ARHGEF18: variants seen among roughly 807,000 people sequenced by gnomAD.
ARHGEF18 encodes rho guanine nucleotide exchange factor 18.
ARHGEF18 carries 93 observed loss-of-function variants against 155.7 expected under a neutral mutation model. The observed-to-expected ratio is 0.60, with a 90% CI of 0.50 to 0.71. The LOEUF (loss-of-function observed/expected upper bound fraction) is 0.71. Ranked by LOEUF, ARHGEF18 falls within the 30% of genes least tolerant of loss-of-function variation. ARHGEF18 has a pLI of 0.00. For synonymous variants in ARHGEF18, 742 were observed against 753.1 expected, an observed-to-expected ratio of 0.99 and a Z score of 0.24; for missense variants, 1,593 against 1,816.1, an observed-to-expected ratio of 0.88 and a Z score of 2.23.
intron 10 of ARHGEF18, among the ~76,000 whole-genome samples, chr19:7,416,138 C>G (rs1412007451): frequency 6.6e-6 from 1 of 152,162 alleles, no homozygotes; most frequent in Non-Finnish European, 1.5e-5. Context: ...AGGCTCATGC[C>G]TATAATCTCA....
chr19:7,384,080 C>T lies in ARHGEF18; in HGVS notation c.967+877C>T, dbSNP rs1003565658. On this transcript the variant is annotated intron_variant, in intron 10 of 28. Coordinates refer to ENST00000668164, the MANE Select transcript of ARHGEF18 (RefSeq NM_001367823.1). ...TGGCAACTGCGTGTTAGAAAAGATG[C>T]GTGCGCCGTTTGTAACCGAATCCAA... 5.9e-5 allele frequency among the ~76,000 whole-genome samples: 9 copies of T among 152,122 alleles called. No individual in the cohort carries two copies. The East Asian group carries it at 7.7e-4, about 13-fold the overall frequency.
At position 7,378,463 on chromosome 19, in the gene ARHGEF18, C is replaced by T; in HGVS notation, c.599+12C>T. On this transcript the variant is annotated intron_variant, in intron 6 of 28. Transcript: ENST00000668164. ...GAACCAGATCACGTGTGAGTTTCTGCCTCGTGGTGGGGGAGGGACCCCCAG... is the reference window on the plus strand; with the variant it reads ...GAACCAGATCACGTGTGAGTTTCTGTCTCGTGGTGGGGGAGGGACCCCCAG... 1 of 1,234,312 alleles carries T rather than the reference C, an allele frequency of 8.1e-7. No individual in the cohort carries two copies. The allele number at this position is 1,234,312 out of a possible 1,614,324, so 76.5% of individuals were successfully genotyped here. A position where few individuals can be genotyped will look rare whatever the true frequency, so the allele number is the denominator to read the frequency against.
chr19:7,382,579 A>G (rs1970800507), intron 8 of ARHGEF18, among the ~76,000 whole-genome samples: 1 of 152,106 alleles, frequency 6.6e-6, no homozygotes, highest in African/African-American at 2.4e-5. Flanking sequence ...CCAGTCCCCA[A>G]AGCTCTTGCA....
intron 17 of ARHGEF18, among the ~76,000 whole-genome samples, chr19:7,454,442 A>G (rs1444775791): frequency 6.7e-6 from 1 of 149,940 alleles, no homozygotes. Flanking sequence ...CTCTTGGATC[A>G]GTGGCCACCA....
chr19:7,456,137 C>T (rs1344563569), intron 17 of ARHGEF18, among the ~76,000 whole-genome samples, 190 bp from the exon 18 acceptor site: 1 of 152,124 alleles, frequency 6.6e-6, no homozygotes, highest in Non-Finnish European at 1.5e-5. Context: ...TCCGGCTGCT[C>T]GTTGGTGCTG....
chr19:7,446,971 A>C, intron 14 of ARHGEF18, 72 bp from the exon 15 acceptor site: 1 of 1,542,236 alleles, frequency 6.5e-7, no homozygotes. Flanking sequence ...TAGCAGACTC[A>C]GACGAATTAG....
At chr19:7,450,884 T>C (rs36155509) in intron 15 of ARHGEF18, among the ~76,000 whole-genome samples, 1 of 117,632 alleles carries the variant, frequency 8.5e-6, no homozygotes, top group Non-Finnish European at 1.7e-5. Flanking sequence ...GAGATGTTAA[T>C]GCGGGGTCTT....
intron 10 of ARHGEF18, among the ~76,000 whole-genome samples, chr19:7,394,639 C>T (rs1971582237): frequency 6.7e-6 from 1 of 149,194 alleles, no homozygotes; most frequent in African/African-American, 2.5e-5. Context: ...CCCTTGGGGT[C>T]CCCCAACCCC....
At chr19:7,464,841 T>G (rs1329925214) in intron 23 of ARHGEF18, 151 bp downstream of exon 23, 1 of 1,143,784 alleles carries the variant, frequency 8.7e-7, no homozygotes, top group Non-Finnish European at 1.2e-6. Flanking sequence ...TCAGCCCAGA[T>G]TAATGCACTG....
chr19:7,462,016 A>G lies in ARHGEF18; in HGVS notation c.2453-136A>G. 1.1e-6 allele frequency: 1 copy of G among 916,986 alleles called. No individual in the cohort carries two copies. The allele number at this position is 916,986 out of a possible 1,614,324, so 56.8% of individuals were successfully genotyped here. A position where few individuals can be genotyped will look rare whatever the true frequency, so the allele number is the denominator to read the frequency against. The stretch of plus-strand genomic sequence containing the variant: ...GCCATGCCCTCCCCTACCTCCCAGG[A>G]ATGCAGGACACAAGGGGGCAGCCTA... On this transcript the variant is annotated intron_variant, in intron 20 of 28. Transcript: ENST00000668164. The surrounding 1 kb of genome is among the most constrained non-coding windows in gnomAD (Gnocchi z 4.4).
chr19:7,350,937 G>A (rs1969142607), intron 1 of ARHGEF18, among the ~76,000 whole-genome samples: 1 of 152,050 alleles, frequency 6.6e-6, no homozygotes, highest in Admixed American at 6.6e-5. Context: ...CCAAGTAGCT[G>A]GGATTACAGG....
chr19:7,385,868 TCTC>T (rs1971007094), intron 10 of ARHGEF18, among the ~76,000 whole-genome samples: 1 of 45,322 alleles, frequency 2.2e-5, no homozygotes, highest in African/African-American at 1.2e-4. Flanking sequence ...TCTCTCTCTC[TCTC>T]CCCCCTCCCT....
intron 10 of ARHGEF18, among the ~76,000 whole-genome samples, chr19:7,407,293 G>A (rs1972375130): frequency 6.6e-6 from 1 of 151,860 alleles, no homozygotes; most frequent in African/African-American, 2.4e-5. Flanking sequence ...GGGTGTGGTG[G>A]CGGGCACCTG....
chr19:7,437,370 T>A (rs1974326128), intron 10 of ARHGEF18, among the ~76,000 whole-genome samples: 1 of 147,940 alleles, frequency 6.8e-6, no homozygotes, highest in African/African-American at 2.5e-5. Flanking sequence ...TGCGGTGAGC[T>A]GAGATCACGC....
intron 23 of ARHGEF18, 92 bp from the exon 24 acceptor site, chr19:7,466,826 A>AAAT: frequency 1.5e-5 from 16 of 1,057,216 alleles, no homozygotes; most frequent in Non-Finnish European, 1.9e-5. Flanking sequence ...AAAAAAAAAA[A>AAAT]GTTAAAAAAA....
chr19:7,477,182 C>A, downstream of ARHGEF18: 1 of 1,453,880 alleles, frequency 6.9e-7, no homozygotes, highest in Non-Finnish European at 9.1e-7. Context: ...TGGCTGTGTC[C>A]CTGTGCTCTT....
chr19:7,390,415 G>A (rs1019224690), intron 10 of ARHGEF18: 1 of 151,688 alleles, frequency 6.6e-6, no homozygotes, highest in African/African-American at 2.4e-5. Context: ...AGGCTCAGGT[G>A]GGAGGATCCC....
rs1247952994 is a variant in ARHGEF18, at chr19:7,462,989, A to G, written c.2635+655A>G. On this transcript the variant is annotated intron_variant, in intron 21 of 28. Transcript: ENST00000668164. This position sits in a 1 kb window ranked among gnomAD's most constrained non-coding sequence, Gnocchi z 4.4. Reference sequence around the variant, plus strand: ...GCTGGGATTACAGGCACCCACCACCACGCCCAGCTAATTTTTGTATTTTTC... The same window carrying G: ...GCTGGGATTACAGGCACCCACCACCGCGCCCAGCTAATTTTTGTATTTTTC... 6.6e-6 allele frequency among the ~76,000 whole-genome samples: 1 copy of G among 150,508 alleles called. No homozygotes were observed. Among genetic ancestry groups the G allele is most frequent in the African/African-American group, 2.5e-5 (1 of 40,744 alleles).
At chr19:7,371,429 T>A (rs1032749995) in intron 2 of ARHGEF18, among the ~76,000 whole-genome samples, 1 of 152,240 alleles carries the variant, frequency 6.6e-6, no homozygotes, top group East Asian at 1.9e-4. Context: ...ACGCCTGTAA[T>A]CCCAACACTT....
Sources: gnomAD v4.1 joint callset for allele counts (sites outside exome capture counted in the v4.1 genomes callset) on GRCh38, gnomAD v4.1.1 for gene constraint, Gnocchi (gnomAD v3.1) non-coding constraint, MANE v1.5 for transcripts, NCBI Gene and HGNC (gene_info 2026-07-23, HGNC 2026-07-21) for gene names.